UGT1A9: variants seen among roughly 807,000 people sequenced by gnomAD.
UGT1A9 encodes the protein UDP-glucuronosyltransferase 1A9.
Under a neutral mutation model 45.0 loss-of-function variants are expected in UGT1A9, and 35 were observed. That is an observed-to-expected ratio of 0.78 (90% CI 0.59 to 1.03). UGT1A9 has a LOEUF of 1.03. UGT1A9 is among the 50% of genes least tolerant of loss of function. The probability of loss-of-function intolerance (pLI) is 0.00; values close to 1 mark genes in which losing one functional copy is unlikely to be tolerated. For synonymous variants in UGT1A9, 278 were observed against 250.6 expected (o/e 1.11, Z -1.03); for missense variants, 687 against 666.6 (o/e 1.03, Z -0.34).
Position 233,715,881 on chromosome 2 carries a change from C to T in UGT1A9, c.855+43092C>T, listed in dbSNP as rs867563291. Among the ~76,000 whole-genome samples the T allele has an allele frequency of 2.6e-5, 4 of 152,154 alleles. No individual in the cohort carries two copies. In the South Asian group the frequency reaches 8.3e-4, roughly 32 times the overall value. On this transcript the variant is annotated intron_variant, in intron 1 of 4. Coordinates refer to ENST00000354728, the MANE Select transcript of UGT1A9 (RefSeq NM_021027.3). Reference sequence around the variant, plus strand: ...GGTGCAGTAGCTTGTGCCTGTGGCCCCAGCTACTTGGGAGGCTCAGGTGGG... The same window carrying T: ...GGTGCAGTAGCTTGTGCCTGTGGCCTCAGCTACTTGGGAGGCTCAGGTGGG...
chr2:233,732,012 G>A (rs1045878291), intron 1 of UGT1A9, among the ~76,000 whole-genome samples: 10 of 152,206 alleles, frequency 6.6e-5, no homozygotes, highest in Non-Finnish European at 1.0e-4. Flanking sequence ...TTGTGGTTTT[G>A]ATTTGCATTT....
chr2:233,690,158 A>C (rs568795878), intron 1 of UGT1A9, among the ~76,000 whole-genome samples: 13 of 152,348 alleles, frequency 8.5e-5, no homozygotes, highest in African/African-American at 2.9e-4. Flanking sequence ...ATTCATTGAC[A>C]TGTAGTTATG....
At chr2:233,733,150 A>G (rs1001837266) in intron 1 of UGT1A9, among the ~76,000 whole-genome samples, 7 of 152,190 alleles carry the variant, frequency 4.6e-5, no homozygotes, top group Non-Finnish European at 7.3e-5. Flanking sequence ...ATTTTTGCAC[A>G]TTGATTTTGT....
chr2:233,738,821 A>C (rs1039985874), intron 1 of UGT1A9: 1 of 152,270 alleles, frequency 6.6e-6, no homozygotes, highest in African/African-American at 2.4e-5. Context: ...AATTTGAATA[A>C]ATAAGGAGGA....
At chr2:233,729,062 G>C in intron 1 of UGT1A9, 3 of 1,610,966 alleles carry the variant, frequency 1.9e-6, no homozygotes, top group South Asian at 2.2e-5. Context: ...TAATTAAGAT[G>C]AAGAAAGCAA....
At chr2:233,712,115 T>G (rs1346814908) in intron 1 of UGT1A9, among the ~76,000 whole-genome samples, 1 of 152,228 alleles carries the variant, frequency 6.6e-6, no homozygotes, top group Non-Finnish European at 1.5e-5. Flanking sequence ...CTAAGCAGAC[T>G]TGCAGAAGAC....
rs1184503727 is a variant in UGT1A9 at position 233,769,814 on chromosome 2, C to T, written c.1295+1375C>T. 17 of 933,346 alleles carry T rather than the reference C, an allele frequency of 1.8e-5. No homozygotes were observed. Among genetic ancestry groups the T allele is most frequent in the African/African-American group, 1.7e-5 (1 of 59,148 alleles). The allele number at this position is 933,346 out of a possible 1,614,324, so 57.8% of individuals were successfully genotyped here. Reference sequence around the variant, plus strand: ...AGGCTGCTATGAGCCGTGATCATGCCACTGCACTCCAGCAACCTGGGCAAC... The same window carrying T: ...AGGCTGCTATGAGCCGTGATCATGCTACTGCACTCCAGCAACCTGGGCAAC... On this transcript the variant is annotated intron_variant, in intron 4 of 4. Coordinates refer to ENST00000354728, the MANE Select transcript of UGT1A9 (RefSeq NM_021027.3). The surrounding 1 kb of genome is among the most constrained non-coding windows in gnomAD (Gnocchi z 4.4).
intron 1 of UGT1A9, among the ~76,000 whole-genome samples, chr2:233,702,680 G>A (rs1358837943): frequency 7.2e-5 from 11 of 152,088 alleles, no homozygotes; most frequent in African/African-American, 1.7e-4. Flanking sequence ...TACCTGAGGT[G>A]TTTGGTTTTG....
intron 1 of UGT1A9, chr2:233,682,681 A>T: frequency 1.9e-6 from 3 of 1,613,858 alleles, no homozygotes; most frequent in Non-Finnish European, 2.5e-6. Context: ...ACAGCCACAC[A>T]TCAATTTGGT....
At chr2:233,747,297 T>TG (rs1437353605) in intron 1 of UGT1A9, 13 of 1,601,102 alleles carry the variant, frequency 8.1e-6, no homozygotes, top group Non-Finnish European at 1.1e-5. Context: ...GGGCTGAGAG[T>TG]GGGAAGGTGC....
In UGT1A9 at chr2:233,771,027, G is replaced by C. The variant is rs186703216; in HGVS notation, c.1296-1235G>C. On this transcript the variant is annotated intron_variant, in intron 4 of 4. Transcript: ENST00000354728. ...CAAAAGCAGGAGCGAGAGAGAGTTG[G>C]GGGGGAAGGTGCCACACACTTTTTA... is the stretch of plus-strand genomic sequence containing the variant. The C allele has an allele frequency of 5.9e-5, 9 of 152,196 alleles. No homozygotes were observed. The East Asian group carries it at 1.4e-3, about 23-fold the overall frequency. The allele number at this position is 152,196 out of a possible 1,614,324, so 9.4% of individuals were successfully genotyped here. A position where few individuals can be genotyped will look rare whatever the true frequency, so the allele number is the denominator to read the frequency against.
rs570410415 is a variant in UGT1A9 at position 233,672,749 on chromosome 2, T to C, written c.815T>C (p.Ile272Thr). The C allele has an allele frequency of 1.5e-4, 236 of 1,613,950 alleles. No individual in the cohort carries two copies. Among genetic ancestry groups the C allele is most frequent in the African/African-American group, 4.5e-4 (34 of 75,054 alleles). ...PKPVMPNMIF[I>T]GGINCHQGKP... ...CCCGTGATGCCCAACATGATCTTCA[T>C]TGGTGGTATCAACTGCCATCAGGGA... is the stretch of plus-strand genomic sequence containing the variant. Residue 272 changes from isoleucine (I) to threonine (T), a missense_variant, in exon 1 of 5, where the codon ATT (isoleucine) becomes ACT (threonine). Coordinates refer to ENST00000354728, the MANE Select transcript of UGT1A9 (RefSeq NM_021027.3).
chr2:233,717,477 G>A (rs551633792), intron 1 of UGT1A9, among the ~76,000 whole-genome samples: 2 of 152,228 alleles, frequency 1.3e-5, no homozygotes, highest in Non-Finnish European at 2.9e-5. Context: ...TGTGTCCAAA[G>A]GTGGAATCTG....
At chr2:233,726,402 T>C (rs1404707610) in intron 1 of UGT1A9, among the ~76,000 whole-genome samples, 7 of 152,206 alleles carry the variant, frequency 4.6e-5, no homozygotes, top group Non-Finnish European at 1.0e-4. Context: ...AGTCTTTTGA[T>C]GTCAGCATTC....
chr2:233,769,620 A>G lies in UGT1A9; in HGVS notation c.1295+1181A>G. The G allele has an allele frequency of 6.2e-7, 1 of 1,612,636 alleles. No homozygotes were observed. Among genetic ancestry groups the G allele is most frequent in the Non-Finnish European group, 8.5e-7 (1 of 1,179,796 alleles). ...AACACGGGGACACACCAGCTTGAGCAAGGGACAACAGGGGAGGACTGATGA... is the reference window on the plus strand; with the variant it reads ...AACACGGGGACACACCAGCTTGAGCGAGGGACAACAGGGGAGGACTGATGA... On this transcript the variant is annotated intron_variant, in intron 4 of 4. Transcript: ENST00000354728. This position sits in a 1 kb window ranked among gnomAD's most constrained non-coding sequence, Gnocchi z 4.4.
At chr2:233,673,119 G>T (rs1020040608) in intron 1 of UGT1A9, among the ~76,000 whole-genome samples, 1 of 151,998 alleles carries the variant, frequency 6.6e-6, no homozygotes, top group African/African-American at 2.4e-5. Flanking sequence ...CAGAGGAAAT[G>T]GTCTTAGTTT....
At chr2:233,748,719 T>G (rs1371005675) in intron 1 of UGT1A9, among the ~76,000 whole-genome samples, 3 of 151,682 alleles carry the variant, frequency 2.0e-5, no homozygotes, top group Non-Finnish European at 4.4e-5. Context: ...GTCTGGTGCA[T>G]GATGTGGGGA....
intron 1 of UGT1A9, among the ~76,000 whole-genome samples, chr2:233,725,317 C>CAGA (rs1559370683): frequency 2.7e-5 from 1 of 37,458 alleles, no homozygotes; most frequent in Admixed American, 2.3e-4. Flanking sequence ...GAGGCAGAGG[C>CAGA]GCCTGGTCAA....
rs773612653 is a variant in UGT1A9 at position 233,729,922 on chromosome 2, C to A, written c.856-37112C>A. 11 of 1,614,018 alleles carry A rather than the reference C, an allele frequency of 6.8e-6. No individual in the cohort carries two copies. The South Asian group carries it at 9.9e-5, about 15-fold the overall frequency. ...CCGAGGGGACTTTGTGATGGACTAC[C>A]CCAGGCCAATCATGCCCAACATGGT... On this transcript the variant is annotated intron_variant, in intron 1 of 4. Transcript: ENST00000354728.
Sources: allele counts gnomAD v4.1 joint callset (sites outside exome capture counted in the v4.1 genomes callset), GRCh38; gene constraint gnomAD v4.1.1; non-coding constraint Gnocchi (gnomAD v3.1); transcripts MANE v1.5; gene names NCBI Gene and HGNC (gene_info 2026-07-23, HGNC 2026-07-21).